The following TBC1D32 variants were observed in gnomAD, a reference collection of about 807,000 sequenced individuals.
TBC1D32 encodes the protein TBC1 domain family member 32, also known as protein broad-minded.
Under a neutral mutation model 170.3 loss-of-function variants are expected in TBC1D32, and 151 were observed. The observed-to-expected ratio is 0.89, with a 90% CI of 0.78 to 1.01. The LOEUF (loss-of-function observed/expected upper bound fraction) is 1.01, where lower values mean the gene tolerates loss of function less well. Ranked by LOEUF, TBC1D32 falls within the 50% of genes least tolerant of loss-of-function variation. The pLI, the probability that TBC1D32 is intolerant of heterozygous loss-of-function variation, is 0.00. For synonymous variants in TBC1D32, 498 were observed against 488.0 expected, an observed-to-expected ratio of 1.02 and a Z score of -0.27; for missense variants, 1,464 against 1,457.1, an observed-to-expected ratio of 1.00 and a Z score of -0.08.
chr6:121,136,691 C>T (rs1159912552), intron 24 of TBC1D32, among the ~76,000 whole-genome samples: 1 of 152,084 alleles, frequency 6.6e-6, no homozygotes, highest in Non-Finnish European at 1.5e-5. Context: ...AATGTGAGAT[C>T]ATGAGAAAAT....
chr6:121,155,492 CT>C lies in TBC1D32; in HGVS notation c.2773+4517del, dbSNP rs561478832. Among the ~76,000 whole-genome samples the C allele has an allele frequency of 2.0e-4, 31 of 152,128 alleles. No individual in the cohort carries two copies. The East Asian group carries it at 5.6e-3, about 28-fold the overall frequency. ...TTTCCTATTTGGATGCTTTTTCTTT[CT>C]TTCTCTTGCCTAATTGTTCTAGCAA... On this transcript the variant is annotated intron_variant, in intron 24 of 31. Coordinates refer to ENST00000398212, the MANE Select transcript of TBC1D32 (RefSeq NM_152730.6).
At chr6:121,208,725 C>A (rs1474364773) in intron 21 of TBC1D32, among the ~76,000 whole-genome samples, 3 of 11,118 alleles carry the variant, frequency 2.7e-4, no homozygotes, top group African/African-American at 3.1e-4. Context: ...ACACGAAACA[C>A]CTGGAAAAAA....
At chr6:121,154,273 G>T (rs1784585643) in intron 24 of TBC1D32, among the ~76,000 whole-genome samples, 1 of 152,002 alleles carries the variant, frequency 6.6e-6, no homozygotes, top group South Asian at 2.1e-4. Context: ...GAGCTTCCTA[G>T]GTGAGAACAG....
chr6:121,173,150 C>T (rs189021133), intron 22 of TBC1D32, among the ~76,000 whole-genome samples: 9 of 152,068 alleles, frequency 5.9e-5, no homozygotes, highest in East Asian at 1.9e-4. Flanking sequence ...CAGCTACCAG[C>T]GCAGCCAGAA....
chr6:121,274,692 A>G (rs1157372700), intron 15 of TBC1D32, among the ~76,000 whole-genome samples: 1 of 152,158 alleles, frequency 6.6e-6, no homozygotes, highest in Non-Finnish European at 1.5e-5. Context: ...ACACCAAAAA[A>G]AGACAAAAAA....
At chr6:121,207,378 C>T (rs1792412244) in intron 21 of TBC1D32, among the ~76,000 whole-genome samples, 1 of 152,092 alleles carries the variant, frequency 6.6e-6, no homozygotes, top group South Asian at 2.1e-4. Context: ...AGTTCTGAAT[C>T]TAAGTACTAG....
At chr6:121,093,975 T>G (rs2128178882) in intron 30 of TBC1D32, among the ~76,000 whole-genome samples, 1 of 152,196 alleles carries the variant, frequency 6.6e-6, no homozygotes, top group South Asian at 2.1e-4. Flanking sequence ...TTTATCCCAG[T>G]TTCACAAAGT....
intron 20 of TBC1D32, among the ~76,000 whole-genome samples, chr6:121,238,828 T>C (rs557148887): frequency 6.6e-6 from 1 of 152,216 alleles, no homozygotes; most frequent in African/African-American, 2.4e-5. Flanking sequence ...AGAAAAACTT[T>C]AATAGACATA....
chr6:121,173,231 T>C (rs1315968007), intron 22 of TBC1D32, among the ~76,000 whole-genome samples: 1 of 152,154 alleles, frequency 6.6e-6, no homozygotes, highest in Non-Finnish European at 1.5e-5. Flanking sequence ...TCTCCCATGC[T>C]GGATGCTTTT....
At chr6:121,261,306 GC>G (rs1340766515) in intron 15 of TBC1D32, among the ~76,000 whole-genome samples, 1 of 152,162 alleles carries the variant, frequency 6.6e-6, no homozygotes, top group Non-Finnish European at 1.5e-5. Flanking sequence ...TGGTTCCCAT[GC>G]CCCCCAACTG....
At chr6:121,210,595 A>G (rs1168806330) in intron 21 of TBC1D32, among the ~76,000 whole-genome samples, 1 of 152,190 alleles carries the variant, frequency 6.6e-6, no homozygotes, top group Non-Finnish European at 1.5e-5. Context: ...TCAGGCCTCA[A>G]ACACAAATGC....
chr6:121,308,686 C>CTTTTTTT (rs67847088), intron 4 of TBC1D32, among the ~76,000 whole-genome samples: 5,863 of 110,990 alleles, frequency 0.053, 467 homozygotes, highest in Admixed American at 0.12. Flanking sequence ...AAGCTTACTT[C>CTTTTTTT]TTTTTTTTTT....
At chr6:121,278,143 A>C (rs116397189) in intron 15 of TBC1D32, among the ~76,000 whole-genome samples, 1 of 152,140 alleles carries the variant, frequency 6.6e-6, no homozygotes, top group Admixed American at 6.6e-5. Flanking sequence ...AGAAAACACC[A>C]GGCTAAAATT....
At chr6:121,186,074 T>C (rs961532090) in intron 22 of TBC1D32, among the ~76,000 whole-genome samples, 1 of 152,144 alleles carries the variant, frequency 6.6e-6, no homozygotes, top group Admixed American at 6.6e-5. Context: ...ACCCTTTAAC[T>C]TTGTGAAGCG....
At chr6:121,204,579 T>C (rs1157012552) in intron 22 of TBC1D32, among the ~76,000 whole-genome samples, 1 of 151,340 alleles carries the variant, frequency 6.6e-6, no homozygotes, top group Non-Finnish European at 1.5e-5. Flanking sequence ...CAACTACGCC[T>C]TATTTCCCAT....
chr6:121,144,377 G>A (rs1783159665), intron 24 of TBC1D32, among the ~76,000 whole-genome samples: 1 of 152,128 alleles, frequency 6.6e-6, no homozygotes, highest in Non-Finnish European at 1.5e-5. Context: ...CTAAACACTT[G>A]GCAGGACATT....
intron 22 of TBC1D32, among the ~76,000 whole-genome samples, chr6:121,161,275 G>C (rs1454220195): frequency 1.3e-5 from 2 of 152,116 alleles, no homozygotes; most frequent in African/African-American, 4.8e-5. Context: ...ATGGTGGTTT[G>C]CTGCACAGAT....
At chr6:121,293,571 G>A (rs1156533689) in intron 11 of TBC1D32, among the ~76,000 whole-genome samples, 1 of 152,156 alleles carries the variant, frequency 6.6e-6, no homozygotes, top group East Asian at 1.9e-4. Flanking sequence ...TGTGATATAA[G>A]CAAGAGCAAG....
intron 15 of TBC1D32, among the ~76,000 whole-genome samples, chr6:121,272,733 A>G (rs1583504440): frequency 6.6e-6 from 1 of 152,334 alleles, no homozygotes; most frequent in East Asian, 1.9e-4. Flanking sequence ...TAGAAATACC[A>G]TTTGACCCGG....
Sources: allele counts gnomAD v4.1 joint callset (sites outside exome capture counted in the v4.1 genomes callset), GRCh38; gene constraint gnomAD v4.1.1; transcripts MANE v1.5; gene names NCBI Gene and HGNC (gene_info 2026-07-23, HGNC 2026-07-21).